The following TRIM2 variants were observed in gnomAD, a reference collection of about 807,000 sequenced individuals.
TRIM2 encodes tripartite motif containing 2, also known as tripartite motif-containing protein 2.
TRIM2 carries 20 observed loss-of-function variants against 75.2 expected under a neutral mutation model. The ratio of observed to expected loss-of-function variants is 0.27; its 90% CI spans 0.19 to 0.39. The LOEUF is 0.39. Ranked by LOEUF, TRIM2 falls within the 10% of genes least tolerant of loss-of-function variation. The pLI is 1.00. For missense variants in TRIM2, 660 were observed against 990.8 expected (o/e 0.67, Z 4.48); for synonymous variants, 373 against 388.3 (o/e 0.96, Z 0.46).
chr4:153,185,714 G>A (rs144830944), intron 1 of TRIM2, among the ~76,000 whole-genome samples: 1 of 152,170 alleles, frequency 6.6e-6, no homozygotes, highest in Non-Finnish European at 1.5e-5. Flanking sequence ...GGGAGGAGAT[G>A]CCTCTATCTC....
At chr4:153,169,836 A>G (rs1730668911) in intron 1 of TRIM2, among the ~76,000 whole-genome samples, 3 of 152,218 alleles carry the variant, frequency 2.0e-5, no homozygotes, top group Non-Finnish European at 4.4e-5. Context: ...GCATCTTTCC[A>G]TGCCTAAATA....
At chr4:153,210,753 C>T (rs1367662244) in intron 1 of TRIM2, among the ~76,000 whole-genome samples, 3 of 152,176 alleles carry the variant, frequency 2.0e-5, no homozygotes, top group African/African-American at 4.8e-5. Flanking sequence ...TTCCTGGACA[C>T]TCTGTGTGTT....
rs191544248 is a variant in TRIM2 at position 153,169,129 on chromosome 4, C to A, written c.-49+15859C>A. ...CTCATAGTGTTGATTCTTCTCAGCT[C>A]TAACCTAGCACTTATTCAAAATTCT... is the stretch of plus-strand genomic sequence containing the variant. On this transcript the variant is annotated intron_variant, in intron 1 of 11. Coordinates refer to the TRIM2 transcript ENST00000437508. Among the ~76,000 whole-genome samples the A allele has an allele frequency of 4.4e-4, 67 of 152,326 alleles. 1 individual carries two copies. Among genetic ancestry groups the A allele is most frequent in the African/African-American group, 1.5e-3 (64 of 41,566 alleles).
At chr4:153,224,744 T>C (rs1178967930) in intron 1 of TRIM2, among the ~76,000 whole-genome samples, 1 of 152,236 alleles carries the variant, frequency 6.6e-6, no homozygotes, top group Non-Finnish European at 1.5e-5. Flanking sequence ...ATCTTGAATA[T>C]TTTTCTTGCA....
intron 2 of TRIM2, among the ~76,000 whole-genome samples, chr4:153,273,352 T>G (rs1757271645): frequency 1.4e-5 from 2 of 139,026 alleles, no homozygotes; most frequent in Non-Finnish European, 3.1e-5. Context: ...CTCGGCTCAC[T>G]GCAAGCTCCA....
chr4:153,161,360 T>A (rs1205733521), intron 1 of TRIM2, among the ~76,000 whole-genome samples: 1 of 152,234 alleles, frequency 6.6e-6, no homozygotes, highest in Non-Finnish European at 1.5e-5. Context: ...TTCTTGTCAC[T>A]GTGCATGCAT....
intron 6 of TRIM2, among the ~76,000 whole-genome samples, chr4:153,298,662 C>T (rs1045975596): frequency 6.6e-6 from 1 of 152,158 alleles, no homozygotes; most frequent in African/African-American, 2.4e-5. Context: ...CATTACCTCA[C>T]ATATTGATCA....
intron 6 of TRIM2, among the ~76,000 whole-genome samples, chr4:153,312,306 G>A (rs1011542909): frequency 6.6e-6 from 1 of 151,890 alleles, no homozygotes. Flanking sequence ...TCTTAATCCA[G>A]TCTATCATTG....
At chr4:153,300,776 G>C (rs1763727328) in intron 6 of TRIM2, among the ~76,000 whole-genome samples, 2 of 152,010 alleles carry the variant, frequency 1.3e-5, no homozygotes, top group African/African-American at 2.4e-5. Context: ...ACCCACCTCA[G>C]CCTCCCAAAG....
intron 1 of TRIM2, among the ~76,000 whole-genome samples, chr4:153,243,657 C>T (rs907745249): frequency 6.6e-6 from 1 of 152,098 alleles, no homozygotes; most frequent in African/African-American, 2.4e-5. Flanking sequence ...CAGAGGAGAG[C>T]CCTTACTAAG....
At chr4:153,152,406 G>GTATATATATATATATA (rs1421478817), upstream of TRIM2, 1 of 33,594 alleles carries the variant, frequency 3.0e-5, no homozygotes, top group African/African-American at 4.7e-5. Flanking sequence ...ATATATATGT[G>GTATATATATATATATA]TGTATATATA....
chr4:153,185,537 T>C (rs1732514617), intron 1 of TRIM2, among the ~76,000 whole-genome samples: 1 of 152,218 alleles, frequency 6.6e-6, no homozygotes, highest in Non-Finnish European at 1.5e-5. Flanking sequence ...GGAATACTCC[T>C]TTTTTATTGG....
chr4:153,256,714 GA>G (rs1233504701), intron 1 of TRIM2, among the ~76,000 whole-genome samples: 1 of 152,192 alleles, frequency 6.6e-6, no homozygotes, highest in African/African-American at 2.4e-5. Flanking sequence ...AAAACTTCAT[GA>G]TCAGAAGAAG....
intron 10 of TRIM2, among the ~76,000 whole-genome samples, chr4:153,327,050 A>G (rs1770392159): frequency 6.6e-6 from 1 of 152,104 alleles, no homozygotes; most frequent in African/African-American, 2.4e-5. Context: ...AGGGAAAAAA[A>G]TAGAGAATAA....
chr4:153,236,997 G>A (rs1745209024), intron 1 of TRIM2, among the ~76,000 whole-genome samples: 1 of 152,140 alleles, frequency 6.6e-6, no homozygotes, highest in African/African-American at 2.4e-5. Context: ...CACAGCCAGA[G>A]GATTATGTCT....
At chr4:153,220,961 GC>G (rs1440527888) in intron 1 of TRIM2, among the ~76,000 whole-genome samples, 1 of 152,034 alleles carries the variant, frequency 6.6e-6, no homozygotes, top group Non-Finnish European at 1.5e-5. Flanking sequence ...CATAGAATTA[GC>G]GTATGACCCA....
chr4:153,194,959 G>C (rs1043856805), intron 1 of TRIM2, among the ~76,000 whole-genome samples: 1 of 152,138 alleles, frequency 6.6e-6, no homozygotes, highest in Non-Finnish European at 1.5e-5. Context: ...TTGAATTCTG[G>C]TCCCCAGAAG....
At chr4:153,228,889 C>A (rs571505907) in intron 1 of TRIM2, among the ~76,000 whole-genome samples, 33 of 152,288 alleles carry the variant, frequency 2.2e-4, no homozygotes, top group African/African-American at 7.7e-4. Flanking sequence ...CTTTTCCCCC[C>A]ACAAATGGTG....
rs146816138 is a variant in TRIM2 at position 153,298,426 on chromosome 4, C to A, written c.1510+2390C>A. Among the ~76,000 whole-genome samples, 26 of 152,302 alleles carry A rather than the reference C, an allele frequency of 1.7e-4. No individual in the cohort carries two copies. The East Asian group carries it at 4.8e-3, about 28-fold the overall frequency. On this transcript the variant is annotated intron_variant, in intron 6 of 11. Transcript: ENST00000338700. Reference sequence around the variant, plus strand: ...CTTGCAGATGGCCACCTTCTTGCCTCTTTGTCCTCACATAGTCATCTCTTT... The same window carrying A: ...CTTGCAGATGGCCACCTTCTTGCCTATTTGTCCTCACATAGTCATCTCTTT...
Sources: allele counts gnomAD v4.1 joint callset (sites outside exome capture counted in the v4.1 genomes callset), GRCh38; gene constraint gnomAD v4.1.1; transcripts MANE v1.5; gene names NCBI Gene and HGNC (gene_info 2026-07-23, HGNC 2026-07-21).